Variants in FAM53B observed in about 807,000 individuals in gnomAD.
The protein encoded by FAM53B is family with sequence similarity 53 member B, also known as protein FAM53B.
FAM53B carries 12 observed loss-of-function variants against 32.7 expected under a neutral mutation model. That is an observed-to-expected ratio of 0.37 (90% CI 0.24 to 0.59). FAM53B has a LOEUF of 0.59. Ranked by LOEUF, FAM53B falls within the 20% of genes least tolerant of loss-of-function variation. FAM53B has a pLI of 0.72. For missense variants in FAM53B, 477 were observed against 577.7 expected, an observed-to-expected ratio of 0.83 and a Z score of 1.79; for synonymous variants, 234 against 228.7, an observed-to-expected ratio of 1.02 and a Z score of -0.21.
intron 4 of FAM53B, among the ~76,000 whole-genome samples, chr10:124,659,687 C>T (rs1280033560): frequency 6.6e-6 from 1 of 152,272 alleles, no homozygotes; most frequent in Non-Finnish European, 1.5e-5. Context: ...CCTTGCCGGG[C>T]CAAGCTCCAT....
At chr10:124,740,644 GAAAC>G (rs1409625252) in intron 1 of FAM53B, among the ~76,000 whole-genome samples, 2 of 152,202 alleles carry the variant, frequency 1.3e-5, no homozygotes, top group Non-Finnish European at 2.9e-5. Flanking sequence ...ACTTAGGCAG[GAAAC>G]AAACAAATTA....
intron 1 of FAM53B, among the ~76,000 whole-genome samples, chr10:124,723,834 G>A (rs1011654831): frequency 6.6e-6 from 1 of 152,228 alleles, no homozygotes; most frequent in African/African-American, 2.4e-5. Context: ...ATATACACAT[G>A]TGACGCTGCG....
At chr10:124,640,839 G>A (rs1272565531) in intron 4 of FAM53B, among the ~76,000 whole-genome samples, 1 of 152,182 alleles carries the variant, frequency 6.6e-6, no homozygotes, top group Non-Finnish European at 1.5e-5. Context: ...GAAGAGAGGA[G>A]GAGGAAAAAG....
chr10:124,645,730 C>T (rs564241112), intron 4 of FAM53B, among the ~76,000 whole-genome samples: 2 of 152,300 alleles, frequency 1.3e-5, no homozygotes, highest in South Asian at 2.1e-4. Context: ...CAGCATCACC[C>T]GGGAGCTGGC....
intron 4 of FAM53B, among the ~76,000 whole-genome samples, chr10:124,678,089 A>G (rs1322031354): frequency 2.0e-5 from 3 of 152,218 alleles, no homozygotes; most frequent in Admixed American, 6.5e-5. Context: ...GGATGGAAAC[A>G]CAGGGAAAAC....
At chr10:124,627,357 T>G (rs755088058) in intron 4 of FAM53B, among the ~76,000 whole-genome samples, 1 of 152,216 alleles carries the variant, frequency 6.6e-6, no homozygotes, top group Non-Finnish European at 1.5e-5. Context: ...GGAAGAACAC[T>G]GCACAGGCAA....
chr10:124,706,350 G>A (rs965176152), intron 2 of FAM53B, among the ~76,000 whole-genome samples: 2 of 152,188 alleles, frequency 1.3e-5, no homozygotes, highest in African/African-American at 4.8e-5. Context: ...GTCAATCCTG[G>A]CTTGGCAGGC....
intron 3 of FAM53B, among the ~76,000 whole-genome samples, chr10:124,687,846 A>G (rs547137433): frequency 5.9e-5 from 9 of 152,244 alleles, no homozygotes; most frequent in Admixed American, 2.0e-4. Context: ...TGGAGAACTG[A>G]GTTCTCAAAC....
chr10:124,637,127 C>T (rs1949437460), intron 4 of FAM53B, among the ~76,000 whole-genome samples: 1 of 152,116 alleles, frequency 6.6e-6, no homozygotes, highest in Admixed American at 6.5e-5. Flanking sequence ...CTCCCTGCTC[C>T]CACTCGAGAG....
intron 1 of FAM53B, among the ~76,000 whole-genome samples, chr10:124,732,851 T>C (rs1387979301): frequency 1.3e-5 from 2 of 152,114 alleles, no homozygotes; most frequent in African/African-American, 4.8e-5. Context: ...AAAATCTTTT[T>C]TTCCCCAAAG....
At chr10:124,692,202 T>C (rs1324043212) in intron 3 of FAM53B, among the ~76,000 whole-genome samples, 1 of 152,114 alleles carries the variant, frequency 6.6e-6, no homozygotes, top group Non-Finnish European at 1.5e-5. Flanking sequence ...TGAGCCCTGG[T>C]GCAGGGCTGG....
intron 4 of FAM53B, chr10:124,667,213 A>C (rs1383477336): frequency 1.8e-6 from 1 of 558,654 alleles, no homozygotes; most frequent in Non-Finnish European, 3.2e-6. Context: ...ATTTACTTAC[A>C]TCGATGACAT....
At chr10:124,668,981 G>A (rs1263612255) in intron 4 of FAM53B, among the ~76,000 whole-genome samples, 1 of 152,224 alleles carries the variant, frequency 6.6e-6, no homozygotes, top group Non-Finnish European at 1.5e-5. Context: ...GCTGCCTCCG[G>A]AGCAGCTGCC....
At chr10:124,669,928 A>G (rs1949697336) in intron 4 of FAM53B, among the ~76,000 whole-genome samples, 1 of 7,514 alleles carries the variant, frequency 1.3e-4, no homozygotes, top group African/African-American at 1.9e-4. Context: ...GGTGAGGATT[A>G]CAGGGTGGGT....
chr10:124,743,432 G>A (rs1950211772), intron 1 of FAM53B, among the ~76,000 whole-genome samples: 1 of 151,650 alleles, frequency 6.6e-6, no homozygotes, highest in Admixed American at 6.6e-5. Context: ...TCCCCCGCCC[G>A]GGACAGAATG....
At chr10:124,631,184 A>C (rs991143646) in intron 4 of FAM53B, among the ~76,000 whole-genome samples, 5 of 152,178 alleles carry the variant, frequency 3.3e-5, no homozygotes, top group Admixed American at 2.6e-4. Flanking sequence ...CATGCTGTGC[A>C]TCCTGGGGGC....
chr10:124,652,191 C>T (rs141236036), intron 4 of FAM53B, among the ~76,000 whole-genome samples: 6 of 152,302 alleles, frequency 3.9e-5, no homozygotes, highest in African/African-American at 1.2e-4. Context: ...TATGAAAACC[C>T]GCAGAGGGAA....
chr10:124,706,185 A>G (rs543872582), intron 2 of FAM53B, among the ~76,000 whole-genome samples: 1 of 152,270 alleles, frequency 6.6e-6, no homozygotes, highest in South Asian at 2.1e-4. Flanking sequence ...GGCTGTTGCC[A>G]TAGCTCACCA....
chr10:124,734,124 C>A (rs921832362), intron 1 of FAM53B, among the ~76,000 whole-genome samples: 1 of 152,242 alleles, frequency 6.6e-6, no homozygotes, highest in Admixed American at 6.5e-5. Flanking sequence ...TTCCAGAGGA[C>A]GGTGTAACTC....
Sources: gnomAD v4.1 joint callset for allele counts (sites outside exome capture counted in the v4.1 genomes callset) on GRCh38, gnomAD v4.1.1 for gene constraint, MANE v1.5 for transcripts, NCBI Gene and HGNC (gene_info 2026-07-23, HGNC 2026-07-21) for gene names.